The following ENKUR variants were observed in gnomAD, a reference collection of about 807,000 sequenced individuals.
The protein encoded by ENKUR is enkurin.
ENKUR carries 19 observed loss-of-function variants against 27.6 expected under a neutral mutation model. The observed-to-expected ratio is 0.69, with a 90% confidence interval of 0.48 to 1.01. The LOEUF (loss-of-function observed/expected upper bound fraction) is 1.01, where lower values mean the gene tolerates loss of function less well. ENKUR is among the 50% of genes least tolerant of loss of function. The pLI, the probability that ENKUR is intolerant of heterozygous loss-of-function variation, is 0.00. For synonymous variants in ENKUR, 117 were observed against 96.9 expected, an observed-to-expected ratio of 1.21 and a Z score of -1.22; for missense variants, 312 against 310.5, an observed-to-expected ratio of 1.00 and a Z score of -0.04.
intron 2 of ENKUR, among the ~76,000 whole-genome samples, chr10:25,040,751 G>A (rs556700317): frequency 6.6e-6 from 1 of 152,288 alleles, no homozygotes; most frequent in African/African-American, 2.4e-5. Context: ...TTAACACTAA[G>A]ATGAAATAAT....
Position 24,984,378 on chromosome 10 carries a change from T to C in ENKUR, c.765-2A>G. On this transcript the variant is annotated splice_acceptor_variant, in intron 5 of 5. Transcript: ENST00000331161. LOFTEE classifies it high-confidence loss of function. The stretch of plus-strand genomic sequence containing the variant: ...AAGTTGTGCTGTTGGTATCATGCGC[T>C]GCAGAAAAAAAAAAAAAAAAGTGAA... 2.8e-6 allele frequency: 4 copies of C among 1,427,050 alleles called. No individual in the cohort carries two copies. Among genetic ancestry groups the C allele is most frequent in the Non-Finnish European group, 3.7e-6 (4 of 1,071,270 alleles). The allele number at this position is 1,427,050 out of a possible 1,614,324, so 88.4% of individuals were successfully genotyped here.
chr10:24,997,570 A>G (rs1316458377), intron 2 of ENKUR, among the ~76,000 whole-genome samples: 4 of 151,752 alleles, frequency 2.6e-5, no homozygotes, highest in Non-Finnish European at 5.9e-5. Flanking sequence ...AAAATTTTTT[A>G]TAGAGATAGG....
intron 2 of ENKUR, among the ~76,000 whole-genome samples, chr10:25,027,281 G>A (rs550624644): frequency 4.7e-5 from 7 of 148,008 alleles, no homozygotes; most frequent in East Asian, 2.0e-4. Context: ...GCATGAACCC[G>A]GGAGGCGGAG....
At chr10:25,046,127 C>T (rs145000677) in intron 2 of ENKUR, among the ~76,000 whole-genome samples, 11 of 152,252 alleles carry the variant, frequency 7.2e-5, no homozygotes, top group Non-Finnish European at 1.5e-4. Flanking sequence ...CAAAGCTTAG[C>T]AAATGCTATG....
intron 2 of ENKUR, among the ~76,000 whole-genome samples, chr10:25,036,358 T>C (rs1851007859): frequency 6.6e-6 from 1 of 152,234 alleles, no homozygotes; most frequent in South Asian, 2.1e-4. Flanking sequence ...GCCAGAATTA[T>C]GAGGCTTCCC....
chr10:25,010,338 A>G (rs1850411801), intron 1 of ENKUR, among the ~76,000 whole-genome samples: 1 of 152,198 alleles, frequency 6.6e-6, no homozygotes, highest in Admixed American at 6.5e-5. Context: ...CATCTGATGG[A>G]AGAAATTTCT....
intron 2 of ENKUR, among the ~76,000 whole-genome samples, chr10:25,045,840 G>A (rs1364886407): frequency 2.6e-5 from 4 of 152,138 alleles, no homozygotes; most frequent in African/African-American, 9.7e-5. Context: ...AGAACCAGTT[G>A]TCCTATCAAG....
chr10:25,054,522 CTTT>C (rs1851229532), intron 2 of ENKUR, among the ~76,000 whole-genome samples: 14 of 131,654 alleles, frequency 1.1e-4, no homozygotes, highest in African/African-American at 2.4e-4. Flanking sequence ...TCCTTTCTTT[CTTT>C]CTTTCCTTTC....
chr10:25,050,327 G>T (rs544677872), intron 2 of ENKUR, among the ~76,000 whole-genome samples: 1 of 152,238 alleles, frequency 6.6e-6, no homozygotes, highest in South Asian at 2.1e-4. Flanking sequence ...AAAGACATAC[G>T]TAAGACTGGG....
At chr10:25,019,726 C>G (rs1420437660), upstream of ENKUR, among the ~76,000 whole-genome samples, 1 of 152,220 alleles carries the variant, frequency 6.6e-6, no homozygotes, top group East Asian at 1.9e-4. Context: ...TCCAATATCC[C>G]TCTCAATGCT....
At chr10:25,057,325 C>A (rs1409734083) in intron 2 of ENKUR, among the ~76,000 whole-genome samples, 2 of 146,892 alleles carry the variant, frequency 1.4e-5, no homozygotes, top group Non-Finnish European at 3.0e-5. Flanking sequence ...TAGTTTACAG[C>A]TAACACTCTG....
chr10:25,047,527 T>C (rs1299093793), intron 2 of ENKUR, among the ~76,000 whole-genome samples: 2 of 152,228 alleles, frequency 1.3e-5, no homozygotes, highest in Non-Finnish European at 2.9e-5. Flanking sequence ...TATTGACAAA[T>C]ACATCTCCCT....
intron 2 of ENKUR, among the ~76,000 whole-genome samples, chr10:25,060,053 T>C (rs1564360076): frequency 6.6e-6 from 1 of 152,188 alleles, no homozygotes; most frequent in Non-Finnish European, 1.5e-5. Context: ...GTCTAATATA[T>C]GCAACCCTTT....
intron 4 of ENKUR, among the ~76,000 whole-genome samples, chr10:24,986,106 T>C (rs1009395539): frequency 3.3e-5 from 5 of 152,232 alleles, no homozygotes; most frequent in African/African-American, 1.2e-4. Flanking sequence ...AAACTTAAAA[T>C]ACTGCCTTGA....
At position 25,016,000 on chromosome 10, in the gene ENKUR, C is replaced by G; in HGVS notation, c.-64G>C. 6.4e-7 allele frequency: 1 copy of G among 1,559,454 alleles called. No homozygotes were observed. Among genetic ancestry groups the G allele is most frequent in the Non-Finnish European group, 8.7e-7 (1 of 1,153,164 alleles). ...TTTTTTCTCCCTGTCCCAGTATCTC[C>G]GTCCCTTTCTTCACTGCTTCCCCTT... is the stretch of plus-strand genomic sequence containing the variant. On this transcript the variant is annotated 5_prime_UTR_variant, in exon 1 of 6. Transcript: ENST00000331161.
intron 1 of ENKUR, among the ~76,000 whole-genome samples, chr10:25,008,164 A>C (rs2132713521): frequency 6.6e-6 from 1 of 152,146 alleles, no homozygotes; most frequent in East Asian, 1.9e-4. Context: ...AAAACACTAA[A>C]ATAGCTTCTA....
intron 1 of ENKUR, among the ~76,000 whole-genome samples, chr10:25,015,202 T>C (rs1222161145): frequency 6.6e-6 from 1 of 152,202 alleles, no homozygotes. Context: ...TTTTTGAGAT[T>C]TGGAGAATTT....
intron 1 of ENKUR, 111 bp from the exon 2 acceptor site, chr10:24,999,657 T>C: frequency 1.0e-6 from 1 of 993,316 alleles, no homozygotes; most frequent in South Asian, 1.6e-5. Flanking sequence ...TATATTCGTA[T>C]GGAAAAGCAT....
intron 2 of ENKUR, among the ~76,000 whole-genome samples, chr10:25,044,918 T>C (rs574942940): frequency 6.6e-6 from 1 of 152,324 alleles, no homozygotes; most frequent in South Asian, 2.1e-4. Flanking sequence ...TTATGGAATT[T>C]CTCTCCTCAA....
Sources: allele counts gnomAD v4.1 joint callset (sites outside exome capture counted in the v4.1 genomes callset), GRCh38; gene constraint gnomAD v4.1.1; transcripts MANE v1.5; gene names NCBI Gene and HGNC (gene_info 2026-07-23, HGNC 2026-07-21).